CACNA1C: variants seen among roughly 807,000 people sequenced by gnomAD.
CACNA1C encodes calcium voltage-gated channel subunit alpha1 C, also known as voltage-dependent L-type calcium channel subunit alpha-1C.
CACNA1C carries 30 observed loss-of-function variants against 229.0 expected under a neutral mutation model. That is an observed-to-expected ratio of 0.13 (90% CI 0.10 to 0.18). The LOEUF (loss-of-function observed/expected upper bound fraction) is 0.18, where lower values mean the gene tolerates loss of function less well. Ranked by LOEUF, CACNA1C falls within the 10% of genes least tolerant of loss-of-function variation. CACNA1C has a pLI of 1.00. For synonymous variants in CACNA1C, 1,114 were observed against 1,132.5 expected, an observed-to-expected ratio of 0.98 and a Z score of 0.33; for missense variants, 1,658 against 2,845.0, an observed-to-expected ratio of 0.58 and a Z score of 9.49.
rs1479289293 is a variant in CACNA1C, at chr12:2,493,418, G to A, written c.1113+32G>A. 6.4e-7 allele frequency: 1 copy of A among 1,559,648 alleles called. No homozygotes were observed. The highest frequency in any genetic ancestry group is 1.7e-5 in the Admixed American group (1 of 59,678). ...AGCATGAGTGGGCAGTCAGAGGGTG[G>A]GGGAACAGCGGCCGTGAACCCTTCC... On this transcript the variant is annotated intron_variant, in intron 7 of 46. Coordinates refer to ENST00000399655, the MANE Select transcript of CACNA1C (RefSeq NM_000719.7). The surrounding 1 kb of genome is among the most constrained non-coding windows in gnomAD (Gnocchi z 4.6).
chr12:2,481,466 G>A (rs1567942370), intron 5 of CACNA1C, among the ~76,000 whole-genome samples: 1 of 152,220 alleles, frequency 6.6e-6, no homozygotes, highest in Non-Finnish European at 1.5e-5. Context: ...GGGCAGCACT[G>A]TAAGAGGAAG....
intron 3 of CACNA1C, among the ~76,000 whole-genome samples, chr12:2,238,865 G>A (rs890158401): frequency 6.6e-5 from 10 of 152,146 alleles, no homozygotes; most frequent in Non-Finnish European, 8.8e-5. Flanking sequence ...GCCTAACCCT[G>A]GTTTTGGAGG....
intron 30 of CACNA1C, among the ~76,000 whole-genome samples, chr12:2,642,551 G>A (rs2093838733): frequency 6.6e-6 from 1 of 152,214 alleles, no homozygotes; most frequent in African/African-American, 2.4e-5. Context: ...GCCTCGAGAA[G>A]CATGGCCACT....
Position 2,181,768 on chromosome 12 carries a change from A to G in CACNA1C, c.477+61338A>G, listed in dbSNP as rs1293234179. On this transcript the variant is annotated intron_variant, in intron 3 of 46. Transcript: ENST00000399655. This position sits in a 1 kb window ranked among gnomAD's most constrained non-coding sequence, Gnocchi z 4.0. ...ACAATAACCCCATGGGGTAGATATT[A>G]CTGTTATTACCCTTTTATAGATGAG... is the stretch of plus-strand genomic sequence containing the variant. Among the ~76,000 whole-genome samples the G allele has an allele frequency of 6.6e-6, 1 of 152,124 alleles. No homozygotes were observed. The highest frequency in any genetic ancestry group is 1.9e-4 in the East Asian group (1 of 5,188).
At chr12:2,251,281 T>A (rs1453857867) in intron 3 of CACNA1C, among the ~76,000 whole-genome samples, 2 of 152,124 alleles carry the variant, frequency 1.3e-5, no homozygotes, top group African/African-American at 2.4e-5. Context: ...TCTACTGACA[T>A]GTCTCCTGGG....
intron 3 of CACNA1C, among the ~76,000 whole-genome samples, chr12:2,187,344 C>T (rs139485233): frequency 9.9e-4 from 151 of 152,262 alleles, no homozygotes; most frequent in African/African-American, 3.4e-3. Context: ...AAAGCCAGCC[C>T]CCATAGCAGC....
intron 38 of CACNA1C, among the ~76,000 whole-genome samples, chr12:2,672,413 A>G (rs959147800): frequency 1.3e-5 from 2 of 152,370 alleles, no homozygotes; most frequent in East Asian, 1.9e-4. Flanking sequence ...GCTGTAACAA[A>G]TGATCACAAA....
At chr12:2,559,956 T>C (rs1194630542) in intron 11 of CACNA1C, among the ~76,000 whole-genome samples, 1 of 152,258 alleles carries the variant, frequency 6.6e-6, no homozygotes, top group African/African-American at 2.4e-5. Context: ...TATTTCAATA[T>C]GTAATTCACA....
chr12:2,268,470 G>A (rs57726277), intron 3 of CACNA1C, among the ~76,000 whole-genome samples: 1 of 152,248 alleles, frequency 6.6e-6, no homozygotes, highest in Non-Finnish European at 1.5e-5. Flanking sequence ...TCTTTTTTAA[G>A]AAAGGGAAGT....
chr12:2,690,311 G>C (rs534066830), intron 46 of CACNA1C: 1 of 153,376 alleles, frequency 6.5e-6, no homozygotes, highest in Non-Finnish European at 1.4e-5. Flanking sequence ...CCCTCTGAGA[G>C]CCAAACCTTC....
rs1159953888 is a variant in CACNA1C, at chr12:2,034,951, G to GA, written c.139+63751dup. On this transcript the variant is annotated intron_variant, in intron 1 of 46. Coordinates refer to the CACNA1C transcript ENST00000682462. This position sits in a 1 kb window ranked among gnomAD's most constrained non-coding sequence, Gnocchi z 4.1. ...AAGAAGCCTTAGGAGCTGGCGAGGC[G>GA]AGGGGGTGAAGAGGAGAAGGAGGTC... Among the ~76,000 whole-genome samples the GA allele has an allele frequency of 4.5e-4, 69 of 152,108 alleles. 1 individual carries two copies. Among genetic ancestry groups the GA allele is most frequent in the Non-Finnish European group, 2.1e-4 (14 of 67,972 alleles).
intron 46 of CACNA1C, 140 bp from the exon 47 acceptor site, chr12:2,690,760 A>ACACACACGTACACGTG: frequency 1.3e-6 from 1 of 781,356 alleles, no homozygotes; most frequent in East Asian, 2.8e-5. Context: ...CCCTCCCAAC[A>ACACACACGTACACGTG]CACACACGTA....
intron 1 of CACNA1C, among the ~76,000 whole-genome samples, chr12:2,071,913 C>T (rs1395849683): frequency 1.3e-5 from 2 of 152,112 alleles, no homozygotes; most frequent in Non-Finnish European, 2.9e-5. Context: ...TGAGCATGGC[C>T]TGCCATACTG....
At chr12:2,360,177 C>CCCCCCCCCA (rs2097523448) in intron 3 of CACNA1C, among the ~76,000 whole-genome samples, 1 of 117,530 alleles carries the variant, frequency 8.5e-6, no homozygotes. Context: ...CCCCCCCACC[C>CCCCCCCCCA]CACACACACA....
chr12:2,057,518 C>T (rs2055579209), intron 1 of CACNA1C, among the ~76,000 whole-genome samples: 3 of 152,144 alleles, frequency 2.0e-5, no homozygotes, highest in Admixed American at 6.5e-5. Flanking sequence ...CCACACCTGC[C>T]CCGGCACAGG....
chr12:2,156,716 G>C (rs955279319), intron 3 of CACNA1C, among the ~76,000 whole-genome samples: 1 of 152,234 alleles, frequency 6.6e-6, no homozygotes, highest in African/African-American at 2.4e-5. Flanking sequence ...ATGAGGGTCA[G>C]ATGCAAGTAC....
At chr12:2,050,760 G>A (rs193024859), upstream of CACNA1C, among the ~76,000 whole-genome samples, 2 of 152,270 alleles carry the variant, frequency 1.3e-5, no homozygotes, top group Non-Finnish European at 1.5e-5. Context: ...ACTTCTCCCA[G>A]GGGCACTTGC....
rs1288330534 is a variant in CACNA1C, at chr12:2,550,098, C to T, written c.1481+65C>T. 2.7e-6 allele frequency: 3 copies of T among 1,119,360 alleles called. No homozygotes were observed. In the African/African-American group the frequency reaches 4.6e-5, roughly 17 times the overall value. 69.3% of individuals were successfully genotyped at this position (1,119,360 alleles called of 1,614,324 possible). ...TGGAGCATGGGTGGAAAAGCTGCAT[C>T]TGGAAATCACAGTGGGCTGGCTCAT... On this transcript the variant is annotated intron_variant, in intron 10 of 46. Transcript: ENST00000399655.
intron 3 of CACNA1C, among the ~76,000 whole-genome samples, chr12:2,267,738 C>T (rs930571314): frequency 2.0e-5 from 3 of 152,164 alleles, no homozygotes; most frequent in East Asian, 1.9e-4. Context: ...CTCAGCTTCC[C>T]GCCCTCTCTG....
Sources: allele counts gnomAD v4.1 joint callset (sites outside exome capture counted in the v4.1 genomes callset), GRCh38; gene constraint gnomAD v4.1.1; non-coding constraint Gnocchi (gnomAD v3.1); transcripts MANE v1.5; gene names NCBI Gene and HGNC (gene_info 2026-07-23, HGNC 2026-07-21).